FAM180A: variants seen among roughly 807,000 people sequenced by gnomAD.
FAM180A encodes the protein protein FAM180A.
FAM180A carries 14 observed loss-of-function variants against 15.3 expected under a neutral mutation model. That is an observed-to-expected ratio of 0.92 (90% CI 0.61 to 1.43). FAM180A has a LOEUF of 1.43. FAM180A is among the 40% of genes most tolerant of loss of function. The pLI is 0.00. For synonymous variants in FAM180A, 90 were observed against 96.8 expected (o/e 0.93, Z 0.41); for missense variants, 200 against 220.8 (o/e 0.91, Z 0.60).
At chr7:135,741,120 T>A (rs1796942664) in intron 1 of FAM180A, among the ~76,000 whole-genome samples, 1 of 152,228 alleles carries the variant, frequency 6.6e-6, no homozygotes, top group Admixed American at 6.5e-5. Context: ...CGCTCAGTTG[T>A]TGCCCTGTGA....
At chr7:135,739,558 G>C (rs1019331153) in intron 1 of FAM180A, among the ~76,000 whole-genome samples, 1 of 151,624 alleles carries the variant, frequency 6.6e-6, no homozygotes, top group Non-Finnish European at 1.5e-5. Flanking sequence ...CTTGCAGTGA[G>C]CCAAGATCGC....
intron 3 of FAM180A, among the ~76,000 whole-genome samples, chr7:135,731,342 G>A (rs933568202): frequency 6.6e-6 from 1 of 151,990 alleles, no homozygotes; most frequent in African/African-American, 2.4e-5. Flanking sequence ...CGATCCCAAC[G>A]CTGTCTGTAC....
intron 1 of FAM180A, among the ~76,000 whole-genome samples, chr7:135,746,829 A>G (rs1231978367): frequency 6.6e-6 from 1 of 152,208 alleles, no homozygotes; most frequent in Admixed American, 6.5e-5. Context: ...GCCAGGCACT[A>G]TGGCTCATGC....
chr7:135,745,465 C>G (rs1022144074), intron 1 of FAM180A, among the ~76,000 whole-genome samples: 1 of 151,596 alleles, frequency 6.6e-6, no homozygotes, highest in African/African-American at 2.4e-5. Flanking sequence ...GGGACGTGGG[C>G]CACCTGTGTG....
In FAM180A at chr7:135,732,689, T is replaced by TCACACA. The variant is rs143588470; in HGVS notation, c.*329+951_*329+956dup. Among the ~76,000 whole-genome samples the TCACACA allele has an allele frequency of 8.3e-3, 1,177 of 141,910 alleles. 10 individuals are homozygous for TCACACA. The highest frequency in any genetic ancestry group is 0.017 in the Middle Eastern group (5 of 286). The allele number at this position is 141,910 out of a possible 152,430, so 93.1% of individuals were successfully genotyped here. ...GCCAGGATGGCAGAGCGAGACTCCA[T>TCACACA]CACACACACACACACACACACACAC... is the stretch of plus-strand genomic sequence containing the variant. On this transcript the variant is annotated intron_variant, in intron 3 of 3. Transcript: ENST00000338588.
In FAM180A at chr7:135,748,532, C is replaced by T. The variant is rs1378971900; in HGVS notation, c.49G>A (p.Ala17Thr). 2.5e-6 allele frequency: 4 copies of T among 1,613,996 alleles called. No homozygotes were observed. In the African/African-American group the frequency reaches 4.0e-5, roughly 16 times the overall value. The change falls in exon 1 of 4, where the codon GCT (alanine) becomes ACT (threonine). Residue 17 changes from alanine to threonine, a missense_variant. Transcript: ENST00000338588. ...CTGCTCCACCTGTGGCACATAGAAG[C>T]CTCAGCATTGTAATACAACAGCAGA... ...LLLLLYYNAE[A>T]SMCHRWSRAV...
In FAM180A at chr7:135,730,139, T is replaced by G. The variant is rs1379561473; in HGVS notation, c.*472A>C. The G allele has an allele frequency of 1.0e-6, 1 of 985,284 alleles. No homozygotes were observed. The highest frequency in any genetic ancestry group is 1.7e-5 in the African/African-American group (1 of 57,224). The allele number at this position is 985,284 out of a possible 1,614,324, so 61.0% of individuals were successfully genotyped here. Reference sequence around the variant, plus strand: ...ATACTTTGATTTGTTAGATTCAAGGTGAGGTGACAGAGCAATGAAGTCTGC... The same window carrying G: ...ATACTTTGATTTGTTAGATTCAAGGGGAGGTGACAGAGCAATGAAGTCTGC... On this transcript the variant is annotated 3_prime_UTR_variant, in exon 4 of 4. Transcript: ENST00000338588.
At chr7:135,741,806 G>A (rs1796954533) in intron 1 of FAM180A, among the ~76,000 whole-genome samples, 1 of 149,536 alleles carries the variant, frequency 6.7e-6, no homozygotes, top group Non-Finnish European at 1.5e-5. Flanking sequence ...CTGGGCGATA[G>A]AGTGAGACCC....
rs1317535367 is a variant in FAM180A, at chr7:135,734,254, G to A, written c.243C>T (p.Ala81=). The A allele has an allele frequency of 1.2e-6, 2 of 1,614,010 alleles. No homozygotes were observed. The highest frequency in any genetic ancestry group is 2.7e-5 in the African/African-American group (2 of 74,940). ...LQISIKDEEL[A]SLRKASDFRT... ...GGAAGTCTGAGGCCTTCCGCAAGGA[G>A]GCCAGCTCCTCGTCCTTGATGGAGA... Residue 81 remains alanine (A), a synonymous_variant, in exon 3 of 4, where the codon GCC becomes GCT. Transcript: ENST00000338588.
intron 2 of FAM180A, among the ~76,000 whole-genome samples, 158 bp downstream of exon 2, chr7:135,736,941 A>G (rs1796880385): frequency 6.6e-6 from 1 of 152,238 alleles, no homozygotes; most frequent in African/African-American, 2.4e-5. Flanking sequence ...TTTATGAATG[A>G]GTAGGTTCTA....
At chr7:135,742,804 A>G (rs923212035) in intron 1 of FAM180A, among the ~76,000 whole-genome samples, 1 of 152,260 alleles carries the variant, frequency 6.6e-6, no homozygotes, top group Non-Finnish European at 1.5e-5. Context: ...TGTGCTGTCC[A>G]TAAGTACCTT....
At chr7:135,738,956 A>G (rs533358329) in intron 1 of FAM180A, among the ~76,000 whole-genome samples, 3 of 152,346 alleles carry the variant, frequency 2.0e-5, no homozygotes, top group African/African-American at 4.8e-5. Flanking sequence ...CAGCTCTGCT[A>G]GTTGATAATA....
At chr7:135,733,093 A>C (rs571956026) in intron 3 of FAM180A, among the ~76,000 whole-genome samples, 6 of 152,352 alleles carry the variant, frequency 3.9e-5, no homozygotes, top group African/African-American at 1.4e-4. Context: ...AGAAGAGTTC[A>C]GACATAAAGG....
At chr7:135,747,997 A>G (rs1797054391) in intron 1 of FAM180A, among the ~76,000 whole-genome samples, 1 of 152,120 alleles carries the variant, frequency 6.6e-6, no homozygotes, top group Admixed American at 6.6e-5. Context: ...GTGGAGGTTG[A>G]AGGGTTGCTC....
chr7:135,737,285 T>TCTTAAAAAC, intron 1 of FAM180A, 86 bp from the exon 2 acceptor site: 5 of 1,106,504 alleles, frequency 4.5e-6, no homozygotes, highest in Non-Finnish European at 6.4e-6. Flanking sequence ...AGTCAAGGAG[T>TCTTAAAAAC]CTTAAAAACG....
intron 3 of FAM180A, among the ~76,000 whole-genome samples, chr7:135,732,636 C>A (rs567188220): frequency 6.7e-6 from 1 of 149,292 alleles, no homozygotes; most frequent in African/African-American, 2.5e-5. Flanking sequence ...GACACTGCAG[C>A]GAGCCGAGAT....
chr7:135,743,318 C>T (rs1287006680), intron 1 of FAM180A, among the ~76,000 whole-genome samples: 1 of 151,342 alleles, frequency 6.6e-6, no homozygotes, highest in Non-Finnish European at 1.5e-5. Context: ...GATTCTTGTG[C>T]CTCAGCCTCC....
At chr7:135,734,369 G>C in intron 2 of FAM180A, 50 bp from the exon 3 acceptor site, 1 of 1,517,808 alleles carries the variant, frequency 6.6e-7, no homozygotes. Context: ...CATTGCTGAG[G>C]ACACAGTTGT....
intron 1 of FAM180A, among the ~76,000 whole-genome samples, chr7:135,737,424 T>C (rs1029924578): frequency 1.5e-4 from 14 of 91,418 alleles, no homozygotes; most frequent in African/African-American, 9.9e-5. Context: ...CCATCTCTAC[T>C]AAAATTACAA....
Sources: gnomAD v4.1 joint callset for allele counts (sites outside exome capture counted in the v4.1 genomes callset) on GRCh38, gnomAD v4.1.1 for gene constraint, MANE v1.5 for transcripts, NCBI Gene and HGNC (gene_info 2026-07-23, HGNC 2026-07-21) for gene names.